STRBP: variants seen among roughly 807,000 people sequenced by gnomAD.
The protein encoded by STRBP is spermatid perinuclear RNA binding protein, also known as spermatid perinuclear RNA-binding protein.
A neutral mutation model predicts 80.1 loss-of-function variants in STRBP; 13 were observed. The observed-to-expected ratio is 0.16, with a 90% CI of 0.11 to 0.26. STRBP has a LOEUF of 0.26. Ranked by LOEUF, STRBP falls within the 10% of genes least tolerant of loss-of-function variation. The pLI is 1.00. For missense variants in STRBP, 485 were observed against 815.2 expected, an observed-to-expected ratio of 0.59 and a Z score of 4.93; for synonymous variants, 284 against 291.2, an observed-to-expected ratio of 0.98 and a Z score of 0.25.
chr9:123,134,801 C>CCATAAAACAAGCT (rs930355275), intron 16 of STRBP, among the ~76,000 whole-genome samples: 2 of 152,014 alleles, frequency 1.3e-5, no homozygotes, highest in African/African-American at 4.8e-5. Context: ...GGAAAAAACA[C>CCATAAAACAAGCT]CATAAAACAA....
At chr9:123,218,871 T>C (rs1017852623) in intron 2 of STRBP, among the ~76,000 whole-genome samples, 2 of 152,200 alleles carry the variant, frequency 1.3e-5, no homozygotes, top group Non-Finnish European at 1.5e-5. Flanking sequence ...CACATTTACA[T>C]AGCGCTTACT....
intron 2 of STRBP, among the ~76,000 whole-genome samples, chr9:123,204,250 T>C (rs803729): frequency 0.95 from 144,723 of 152,302 alleles, 69,180 homozygotes; most frequent in East Asian, 1. Context: ...ATCTTTTAAA[T>C]TGTGAAAGCA....
intron 6 of STRBP, among the ~76,000 whole-genome samples, chr9:123,167,167 G>GA (rs1432811342): frequency 1.3e-5 from 2 of 151,482 alleles, no homozygotes; most frequent in Non-Finnish European, 2.9e-5. Flanking sequence ...AGTTAAGACA[G>GA]AAAAAAGAAA....
intron 1 of STRBP, among the ~76,000 whole-genome samples, chr9:123,237,685 G>A (rs1005415529): frequency 6.6e-6 from 1 of 151,868 alleles, no homozygotes; most frequent in Non-Finnish European, 1.5e-5. Flanking sequence ...CAACTACTGT[G>A]CGCTGAATTC....
intron 6 of STRBP, among the ~76,000 whole-genome samples, chr9:123,168,698 T>C (rs1160679454): frequency 6.6e-6 from 1 of 152,210 alleles, no homozygotes; most frequent in African/African-American, 2.4e-5. Flanking sequence ...CTGGCCCAGA[T>C]AGGCTGCAAT....
Position 123,122,108 on chromosome 9 carries a change from T to G in STRBP, c.*3489A>C, listed in dbSNP as rs2132286068. The G allele has an allele frequency of 4.0e-6, 1 of 249,154 alleles. No individual in the cohort carries two copies. Among genetic ancestry groups the G allele is most frequent in the African/African-American group, 2.3e-5 (1 of 43,622 alleles). 15.4% of individuals were successfully genotyped at this position (249,154 alleles called of 1,614,324 possible). A position where few individuals can be genotyped will look rare whatever the true frequency, so the allele number is the denominator to read the frequency against. ...ATGCGATGACATATGACCTAAGAGA[T>G]CAAATACATCATATATGATTGTCAT... On this transcript the variant is annotated 3_prime_UTR_variant, in exon 19 of 19. Coordinates refer to ENST00000348403, the MANE Select transcript of STRBP (RefSeq NM_018387.5).
At chr9:123,260,216 A>AG (rs776216192) in intron 1 of STRBP, among the ~76,000 whole-genome samples, 19 of 152,230 alleles carry the variant, frequency 1.2e-4, no homozygotes, top group Admixed American at 9.8e-4. Flanking sequence ...ACATCATTTC[A>AG]GCTGTTAATA....
At position 123,179,208 on chromosome 9, in the gene STRBP, G is replaced by T; in HGVS notation, c.23C>A (p.Ala8Asp). Residue 8 changes from alanine to aspartate, a missense_variant, in exon 4 of 19, where the codon GCT becomes GAT. By Grantham distance (126) the Ala-to-Asp change is moderately radical (BLOSUM62 -2). Transcript: ENST00000348403. MRSIRSFANDDRHVMVKH... is the reference protein window; with the variant it reads MRSIRSFDNDDRHVMVKH... ...CACCATAACATGGCGATCATCATTAGCAAAAGATCGAATAGATCTCTGTTA... is the reference window on the plus strand; with the variant it reads ...CACCATAACATGGCGATCATCATTATCAAAAGATCGAATAGATCTCTGTTA... The T allele has an allele frequency of 6.2e-7, 1 of 1,608,610 alleles. No homozygotes were observed.
intron 2 of STRBP, chr9:123,213,472 C>G (rs1308098941): frequency 2.0e-5 from 3 of 152,220 alleles, no homozygotes; most frequent in Admixed American, 2.0e-4. Flanking sequence ...TGCCCAAATA[C>G]TCAGCTACAT....
rs2132288441 is a variant in STRBP, at chr9:123,123,257, C to T, written c.*2340G>A. 1.0e-6 allele frequency: 1 copy of T among 985,388 alleles called. No homozygotes were observed. The highest frequency in any genetic ancestry group is 1.2e-6 in the Non-Finnish European group (1 of 829,924). The allele number at this position is 985,388 out of a possible 1,614,324, so 61.0% of individuals were successfully genotyped here. On this transcript the variant is annotated 3_prime_UTR_variant, in exon 19 of 19. Coordinates refer to ENST00000348403, the MANE Select transcript of STRBP (RefSeq NM_018387.5). The stretch of plus-strand genomic sequence containing the variant: ...CAGAGAAGCAAAACTTCATGTTAAT[C>T]TCAGGCAATTTGGTGAAGCCAAGAG...
intron 11 of STRBP, among the ~76,000 whole-genome samples, chr9:123,154,722 G>A (rs2037206554): frequency 6.6e-6 from 1 of 152,156 alleles, no homozygotes; most frequent in Admixed American, 6.5e-5. Flanking sequence ...ATGTAGTAAC[G>A]TGAAGGTCGC....
intron 2 of STRBP, among the ~76,000 whole-genome samples, chr9:123,223,595 T>C (rs1377426659): frequency 1.3e-5 from 2 of 152,176 alleles, no homozygotes; most frequent in Non-Finnish European, 2.9e-5. Context: ...TTCATACTAA[T>C]GTTCAACAAT....
rs1337317982 is a variant in STRBP at position 123,139,629 on chromosome 9, G to A, written c.1397C>T (p.Ser466Phe). 6.2e-7 allele frequency: 1 copy of A among 1,612,368 alleles called. No homozygotes were observed. The highest frequency in any genetic ancestry group is 1.3e-5 in the African/African-American group (1 of 74,816). ...GFDADIECMS[S>F]DEKSDNESKN... ...ACTTTCATTATCTGATTTTTCATCG[G>A]AACTCATACATTCAATATCTGCATC... The change falls in exon 14 of 19, where the codon TCC (serine) becomes TTC (phenylalanine). Residue 466 changes from serine to phenylalanine, a missense_variant. By Grantham distance (155) the Ser-to-Phe change is radical. This residue lies in a region of STRBP where 377 missense variants were observed against 616.1 expected (regional missense o/e 0.61). Transcript: ENST00000348403.
chr9:123,263,641 AT>A (rs1184066015), intron 1 of STRBP, among the ~76,000 whole-genome samples: 2 of 152,172 alleles, frequency 1.3e-5, no homozygotes, highest in Non-Finnish European at 2.9e-5. Flanking sequence ...TTAAGAAAGC[AT>A]TTAAAAATCA....
chr9:123,254,456 C>CAAA (rs1205708821), intron 1 of STRBP, among the ~76,000 whole-genome samples: 27 of 65,602 alleles, frequency 4.1e-4, no homozygotes, highest in South Asian at 7.8e-4. Flanking sequence ...GACTCCGTCT[C>CAAA]AAAAAAAAAA....
rs150194781 is a variant in STRBP, at chr9:123,260,851, G to A, written c.-302+7585C>T. Among the ~76,000 whole-genome samples the A allele has an allele frequency of 5.4e-3, 818 of 152,294 alleles. 4 individuals are homozygous for A. Among genetic ancestry groups the A allele is most frequent in the Admixed American group, 8.3e-3 (127 of 15,306 alleles). On this transcript the variant is annotated intron_variant, in intron 1 of 18. Transcript: ENST00000348403. ...GTTTCCACTCATATACATCTGAAAT[G>A]TCCATGATGAAAAATGAAAAATAAA...
In STRBP at chr9:123,124,150, A is replaced by T. The variant is rs145551090; in HGVS notation, c.*1447T>A. ...AAGGAATTTGGTACATACATTTGCC[A>T]TATTTTGTGAAGCCCATTCTCATGG... is the stretch of plus-strand genomic sequence containing the variant. On this transcript the variant is annotated 3_prime_UTR_variant, in exon 19 of 19. Transcript: ENST00000348403. The T allele has an allele frequency of 1.7e-5, 17 of 985,464 alleles. No individual in the cohort carries two copies. In the East Asian group the frequency reaches 1.9e-3, roughly 112 times the overall value. 61.0% of individuals were successfully genotyped at this position (985,464 alleles called of 1,614,324 possible).
At chr9:123,178,971 T>C (rs2132450162) in intron 4 of STRBP, 36 bp downstream of exon 4, 1 of 1,596,902 alleles carries the variant, frequency 6.3e-7, no homozygotes, top group Non-Finnish European at 8.6e-7. Context: ...TGCTGTGCAC[T>C]CTAGCACAGC....
At chr9:123,250,405 A>C (rs1030199206) in intron 1 of STRBP, among the ~76,000 whole-genome samples, 1 of 152,224 alleles carries the variant, frequency 6.6e-6, no homozygotes, top group Non-Finnish European at 1.5e-5. Context: ...TAAATATTTA[A>C]ATTTTTATCA....
Sources: gnomAD v4.1 joint callset for allele counts (sites outside exome capture counted in the v4.1 genomes callset) on GRCh38, gnomAD v4.1.1 for gene constraint, gnomAD v4.1.1 regional missense constraint, MANE v1.5 for transcripts, NCBI Gene and HGNC (gene_info 2026-07-23, HGNC 2026-07-21) for gene names.